Variants in XRCC4 observed in about 807,000 individuals in gnomAD.
The protein encoded by XRCC4 is X-ray repair cross complementing 4.
Under a neutral mutation model 39.1 loss-of-function variants are expected in XRCC4, and 28 were observed. That is an observed-to-expected ratio of 0.72 (90% CI 0.53 to 0.98). The LOEUF (loss-of-function observed/expected upper bound fraction) is 0.98, where lower values mean the gene tolerates loss of function less well. XRCC4 is among the 50% of genes least tolerant of loss of function. XRCC4 has a pLI of 0.00. For missense variants in XRCC4, 350 were observed against 376.4 expected, an observed-to-expected ratio of 0.93 and a Z score of 0.58; for synonymous variants, 123 against 126.4, an observed-to-expected ratio of 0.97 and a Z score of 0.18.
At chr5:83,113,776 G>A (rs369541357) in intron 3 of XRCC4, among the ~76,000 whole-genome samples, 13 of 152,204 alleles carry the variant, frequency 8.5e-5, no homozygotes, top group Middle Eastern at 3.4e-3. Context: ...ATAGGCGTCC[G>A]CCACCATGCC....
At chr5:83,315,223 C>T (rs1011255555) in intron 7 of XRCC4, among the ~76,000 whole-genome samples, 1 of 152,086 alleles carries the variant, frequency 6.6e-6, no homozygotes, top group Non-Finnish European at 1.5e-5. Context: ...GAGCAAGGCC[C>T]TAACTCTCAT....
At chr5:83,245,649 C>A (rs1023646972) in intron 6 of XRCC4, among the ~76,000 whole-genome samples, 5 of 151,924 alleles carry the variant, frequency 3.3e-5, no homozygotes, top group Admixed American at 6.6e-5. Context: ...TAAAAATGTT[C>A]ATTTGATATC....
At chr5:83,087,055 A>G (rs1465773969) in intron 1 of XRCC4, among the ~76,000 whole-genome samples, 1 of 152,098 alleles carries the variant, frequency 6.6e-6, no homozygotes, top group Non-Finnish European at 1.5e-5. Context: ...GGTGGCTCAC[A>G]CCTGTAATTC....
chr5:83,190,350 T>C (rs1750640158), intron 3 of XRCC4, among the ~76,000 whole-genome samples: 1 of 152,190 alleles, frequency 6.6e-6, no homozygotes, highest in Non-Finnish European at 1.5e-5. Flanking sequence ...CATTATAAAC[T>C]GTAATGGATA....
intron 3 of XRCC4, among the ~76,000 whole-genome samples, chr5:83,181,793 T>C (rs1162509654): frequency 6.6e-6 from 1 of 152,138 alleles, no homozygotes; most frequent in Middle Eastern, 3.2e-3. Context: ...TTACAGGAGA[T>C]GTCTGGTGGA....
At chr5:83,166,412 G>T (rs1004213209) in intron 3 of XRCC4, among the ~76,000 whole-genome samples, 2 of 151,164 alleles carry the variant, frequency 1.3e-5, no homozygotes, top group African/African-American at 2.4e-5. Context: ...TTCCAAAGTG[G>T]TTGAACTAAT....
chr5:83,314,656 C>T (rs1274201448), intron 7 of XRCC4, among the ~76,000 whole-genome samples: 1 of 152,048 alleles, frequency 6.6e-6, no homozygotes. Flanking sequence ...TTTCACTATA[C>T]CTCAAACTTT....
intron 3 of XRCC4, 27 bp from the exon 4 acceptor site, chr5:83,195,743 A>C: frequency 6.5e-7 from 1 of 1,528,676 alleles, no homozygotes; most frequent in Non-Finnish European, 8.8e-7. Context: ...TTTTCCCCAA[A>C]TTAACCATGT....
chr5:83,269,104 A>G (rs1456370752), intron 7 of XRCC4, among the ~76,000 whole-genome samples: 1 of 152,158 alleles, frequency 6.6e-6, no homozygotes, highest in Non-Finnish European at 1.5e-5. Flanking sequence ...TCGGGTCTCA[A>G]GTATATTTTT....
chr5:83,345,864 ACTTT>A (rs959003177), intron 7 of XRCC4, among the ~76,000 whole-genome samples: 2 of 152,132 alleles, frequency 1.3e-5, no homozygotes, highest in Non-Finnish European at 2.9e-5. Context: ...CCTGGATTAG[ACTTT>A]CTTTTTAATA....
At chr5:83,218,783 A>G (rs1397900042) in intron 6 of XRCC4, among the ~76,000 whole-genome samples, 3 of 152,140 alleles carry the variant, frequency 2.0e-5, no homozygotes, top group African/African-American at 7.2e-5. Flanking sequence ...TTTTGCCTCA[A>G]GTTGAGTTCT....
At chr5:83,105,716 T>A (rs928313163) in intron 2 of XRCC4, among the ~76,000 whole-genome samples, 3 of 152,184 alleles carry the variant, frequency 2.0e-5, no homozygotes, top group East Asian at 3.8e-4. Context: ...AATACTCTTC[T>A]AAAGTATCTT....
intron 7 of XRCC4, among the ~76,000 whole-genome samples, chr5:83,287,291 A>G (rs1013202265): frequency 5.9e-5 from 9 of 152,220 alleles, no homozygotes; most frequent in African/African-American, 2.2e-4. Flanking sequence ...CATCTTTTGT[A>G]CAAAATCATT....
intron 6 of XRCC4, among the ~76,000 whole-genome samples, chr5:83,217,368 A>AAAAAAAACAACAAC (rs1554065833): frequency 1.3e-5 from 2 of 151,520 alleles, no homozygotes; most frequent in African/African-American, 4.9e-5. Flanking sequence ...CAAAAAAAAA[A>AAAAAAAACAACAAC]AAAAAAAAAC....
At chr5:83,163,044 A>G (rs549552527) in intron 3 of XRCC4, among the ~76,000 whole-genome samples, 6 of 149,572 alleles carry the variant, frequency 4.0e-5, no homozygotes, top group Admixed American at 2.7e-4. Flanking sequence ...CCACCTCCCA[A>G]GTTCAAGCAA....
chr5:83,276,854 A>G (rs1241675815), intron 7 of XRCC4, among the ~76,000 whole-genome samples: 1 of 151,500 alleles, frequency 6.6e-6, no homozygotes, highest in Non-Finnish European at 1.5e-5. Flanking sequence ...GAATCTTGTT[A>G]TAATTTGTTG....
In XRCC4 at chr5:83,121,870, A is replaced by G. The variant is rs184748593; in HGVS notation, c.315+10667A>G. The stretch of plus-strand genomic sequence containing the variant: ...ACATTTTGAGTTAATTTTTGTACAT[A>G]CTTTAAGGTATGGGTTGAAGTTCAT... On this transcript the variant is annotated intron_variant, in intron 3 of 7. Transcript: ENST00000396027. 8.9e-4 allele frequency among the ~76,000 whole-genome samples: 131 copies of G among 146,942 alleles called. No homozygotes were observed. In the Middle Eastern group the frequency reaches 0.01, roughly 12 times the overall value.
At chr5:83,308,387 A>G (rs1755563449) in intron 7 of XRCC4, among the ~76,000 whole-genome samples, 4 of 152,034 alleles carry the variant, frequency 2.6e-5, no homozygotes, top group Non-Finnish European at 5.9e-5. Context: ...AAAGTTGTGT[A>G]TGCAGGAATA....
intron 3 of XRCC4, among the ~76,000 whole-genome samples, chr5:83,153,350 A>T (rs1748807721): frequency 6.6e-6 from 1 of 152,100 alleles, no homozygotes; most frequent in Non-Finnish European, 1.5e-5. Flanking sequence ...CTGGGATTAC[A>T]GGTGCCCACC....
Sources: gnomAD v4.1 joint callset for allele counts (sites outside exome capture counted in the v4.1 genomes callset) on GRCh38, gnomAD v4.1.1 for gene constraint, MANE v1.5 for transcripts, NCBI Gene and HGNC (gene_info 2026-07-23, HGNC 2026-07-21) for gene names.